DIP2C: variants seen among roughly 807,000 people sequenced by gnomAD.
The protein encoded by DIP2C is disco-interacting protein 2 homolog C.
A neutral mutation model predicts 192.4 loss-of-function variants in DIP2C; 33 were observed. That is an observed-to-expected ratio of 0.17 (90% CI 0.13 to 0.23). DIP2C has a LOEUF of 0.23. Ranked by LOEUF, DIP2C falls within the 10% of genes least tolerant of loss-of-function variation. The probability of loss-of-function intolerance (pLI) is 1.00; values close to 1 mark genes in which losing one functional copy is unlikely to be tolerated. For missense variants in DIP2C, 1,537 were observed against 2,110.1 expected (o/e 0.73, Z 5.32); for synonymous variants, 979 against 864.1 (o/e 1.13, Z -2.33).
intron 1 of DIP2C, among the ~76,000 whole-genome samples, chr10:490,937 T>TCC (rs1844395247): frequency 6.6e-6 from 1 of 152,192 alleles, no homozygotes; most frequent in African/African-American, 2.4e-5. Flanking sequence ...GATGCTTCTT[T>TCC]CCCTCCCTGA....
At chr10:621,203 A>G (rs1419168025) in intron 1 of DIP2C, among the ~76,000 whole-genome samples, 1 of 152,122 alleles carries the variant, frequency 6.6e-6, no homozygotes, top group Non-Finnish European at 1.5e-5. Context: ...CAACATAAGC[A>G]CACACCCCCA....
chr10:574,730 C>A (rs1850045913), intron 1 of DIP2C, among the ~76,000 whole-genome samples: 1 of 152,186 alleles, frequency 6.6e-6, no homozygotes, highest in South Asian at 2.1e-4. Flanking sequence ...AAATCAAGGC[C>A]ATGGTACATA....
intron 1 of DIP2C, among the ~76,000 whole-genome samples, chr10:682,306 C>G (rs1417793989): frequency 6.6e-6 from 1 of 152,220 alleles, no homozygotes. Context: ...TGCTCAAAAT[C>G]AAGTAAATGT....
intron 1 of DIP2C, among the ~76,000 whole-genome samples, chr10:670,209 C>T (rs923711902): frequency 2.0e-5 from 3 of 152,150 alleles, no homozygotes; most frequent in African/African-American, 4.8e-5. Flanking sequence ...CACATGTATG[C>T]ACACATACGC....
intron 26 of DIP2C, among the ~76,000 whole-genome samples, chr10:347,339 A>G (rs1174374862): frequency 8.7e-4 from 88 of 101,180 alleles, no homozygotes; most frequent in East Asian, 1.1e-3. Context: ...GTTCTCCCGG[A>G]AACGTCACAC....
At chr10:665,112 C>G (rs1273952764) in intron 1 of DIP2C, 1 of 152,144 alleles carries the variant, frequency 6.6e-6, no homozygotes, top group African/African-American at 2.4e-5. Flanking sequence ...AAAACAAAAA[C>G]AGCTTTAAAG....
At chr10:435,654 A>G (rs1967119017) in intron 4 of DIP2C, among the ~76,000 whole-genome samples, 1 of 152,172 alleles carries the variant, frequency 6.6e-6, no homozygotes. Context: ...GTTTAAGAAG[A>G]GCTGCTGAGT....
intron 3 of DIP2C, among the ~76,000 whole-genome samples, chr10:450,938 CATGT>C (rs914418251): frequency 6.6e-5 from 10 of 152,190 alleles, no homozygotes; most frequent in Non-Finnish European, 1.3e-4. Context: ...TATGTGCGTA[CATGT>C]ATGTATATGT....
At chr10:595,682 C>T (rs1322160939) in intron 1 of DIP2C, among the ~76,000 whole-genome samples, 1 of 152,236 alleles carries the variant, frequency 6.6e-6, no homozygotes, top group African/African-American at 2.4e-5. Flanking sequence ...TACCGAAATC[C>T]ACGCGTCCGC....
chr10:472,667 C>A, intron 2 of DIP2C, 118 bp from the exon 3 acceptor site: 2 of 877,120 alleles, frequency 2.3e-6, no homozygotes, highest in African/African-American at 1.7e-5. Context: ...CGGGACTGGG[C>A]ATGGCGGCGC....
chr10:332,890 G>A (rs1564568704), intron 29 of DIP2C, among the ~76,000 whole-genome samples: 1 of 152,100 alleles, frequency 6.6e-6, no homozygotes, highest in East Asian at 1.9e-4. Flanking sequence ...TTGAGTTACT[G>A]CAATGAAGCA....
chr10:596,460 C>A (rs1851704236), intron 1 of DIP2C, among the ~76,000 whole-genome samples: 1 of 124,198 alleles, frequency 8.1e-6, no homozygotes, highest in Admixed American at 1.0e-4. Context: ...CATGCCATTG[C>A]ACTTCAGCCT....
intron 32 of DIP2C, among the ~76,000 whole-genome samples, chr10:304,384 C>A (rs1956206833): frequency 6.6e-6 from 1 of 152,152 alleles, no homozygotes; most frequent in Non-Finnish European, 1.5e-5. Flanking sequence ...ACAGAAACAG[C>A]ACTATGCAGC....
intron 3 of DIP2C, among the ~76,000 whole-genome samples, chr10:451,966 C>T (rs1049882469): frequency 2.6e-5 from 4 of 152,076 alleles, no homozygotes; most frequent in Non-Finnish European, 4.4e-5. Context: ...TACTTCTGCC[C>T]ACAAGGAGAC....
chr10:506,038 G>A (rs1260774367), intron 1 of DIP2C, among the ~76,000 whole-genome samples: 1 of 152,228 alleles, frequency 6.6e-6, no homozygotes, highest in Non-Finnish European at 1.5e-5. Context: ...TCTACACGAT[G>A]TCACATTTGG....
In DIP2C at chr10:636,338, G is replaced by A. The variant is rs1275608301; in HGVS notation, c.85+53156C>T. Among the ~76,000 whole-genome samples the A allele has an allele frequency of 6.6e-6, 1 of 152,130 alleles. No homozygotes were observed. Among genetic ancestry groups the A allele is most frequent in the Non-Finnish European group, 1.5e-5 (1 of 68,024 alleles). On this transcript the variant is annotated intron_variant, in intron 1 of 36. Transcript: ENST00000280886. This position sits in a 1 kb window ranked among gnomAD's most constrained non-coding sequence, Gnocchi z 4.6. ...GTTCAAACATATTTAAAAAGTGGAA[G>A]AACAGTACAATGAGTGGCCAAGTTT...
intron 1 of DIP2C, among the ~76,000 whole-genome samples, chr10:582,948 C>A (rs1032291097): frequency 1.5e-4 from 23 of 152,220 alleles, no homozygotes; most frequent in Admixed American, 1.3e-4. Context: ...AGTGTTACCT[C>A]TTGGGAAAAT....
chr10:544,402 C>A (rs893133559), intron 1 of DIP2C, among the ~76,000 whole-genome samples: 1 of 152,220 alleles, frequency 6.6e-6, no homozygotes, highest in Non-Finnish European at 1.5e-5. Flanking sequence ...AAGATTCTTG[C>A]ATAAGATTTT....
rs779890829 is a variant in DIP2C, at chr10:366,333, GCA to G, written c.2208_2209del (p.Ala737SerfsTer19). 1.9e-6 allele frequency: 3 copies of G among 1,613,740 alleles called. No homozygotes were observed. The highest frequency in any genetic ancestry group is 1.1e-5 in the South Asian group (1 of 91,002). ...ATAGTAGGACGTGCCCGTCGCAACT[GCA>G]CACACACACAGCTCCCCGATCTCAT... On this transcript the variant is annotated frameshift_variant, in exon 19 of 37. Coordinates refer to ENST00000280886, the MANE Select transcript of DIP2C (RefSeq NM_014974.3). LOFTEE classifies it high-confidence loss of function.
Sources: gnomAD v4.1 joint callset for allele counts (sites outside exome capture counted in the v4.1 genomes callset) on GRCh38, gnomAD v4.1.1 for gene constraint, Gnocchi (gnomAD v3.1) non-coding constraint, MANE v1.5 for transcripts, NCBI Gene and HGNC (gene_info 2026-07-23, HGNC 2026-07-21) for gene names.